GPBP1L1: variants seen among roughly 807,000 people sequenced by gnomAD.
GPBP1L1 encodes GC-rich promoter binding protein 1 like 1, also known as vasculin-like protein 1.
A neutral mutation model predicts 52.5 loss-of-function variants in GPBP1L1; 23 were observed. The ratio of observed to expected loss-of-function variants is 0.44; its 90% CI spans 0.32 to 0.62. The LOEUF (loss-of-function observed/expected upper bound fraction) is 0.62, where lower values mean the gene tolerates loss of function less well. Ranked by LOEUF, GPBP1L1 falls within the 20% of genes least tolerant of loss-of-function variation. GPBP1L1 has a pLI of 0.06. For missense variants in GPBP1L1, 596 were observed against 579.3 expected, an observed-to-expected ratio of 1.03 and a Z score of -0.30; for synonymous variants, 243 against 203.1, an observed-to-expected ratio of 1.20 and a Z score of -1.67.
At chr1:45,676,367 A>G (rs938419242) in intron 2 of GPBP1L1, among the ~76,000 whole-genome samples, 1 of 151,950 alleles carries the variant, frequency 6.6e-6, no homozygotes, top group East Asian at 1.9e-4. Context: ...TTTGGAGGCC[A>G]GGGTGAGCAG....
At chr1:45,654,217 CAT>C (rs1000516917) in intron 6 of GPBP1L1, 4 of 189,576 alleles carry the variant, frequency 2.1e-5, no homozygotes, top group African/African-American at 9.5e-5. Context: ...AATGTTTTAT[CAT>C]AGTTGGAAAA....
chr1:45,643,253 A>G (rs908249409), intron 6 of GPBP1L1, among the ~76,000 whole-genome samples: 6 of 152,192 alleles, frequency 3.9e-5, no homozygotes, highest in Non-Finnish European at 7.4e-5. Context: ...ATAGTTCAGC[A>G]TGAGTAGTGC....
At position 45,655,777 on chromosome 1, in the gene GPBP1L1, T is replaced by A. The variant is rs201462439; in HGVS notation, c.61-458A>T. On this transcript the variant is annotated intron_variant, in intron 4 of 12. Coordinates refer to ENST00000355105, the MANE Select transcript of GPBP1L1 (RefSeq NM_021639.5). The stretch of plus-strand genomic sequence containing the variant: ...AGGTCAGTAGTAATTACAGAACTTT[T>A]AAAAAAAAAAAAGAGATGAAGTCTC... 956 of 146,372 alleles carry A rather than the reference T, an allele frequency of 6.5e-3. 9 individuals are homozygous for A. Among genetic ancestry groups the A allele is most frequent in the East Asian group, 0.034 (171 of 5,066 alleles). 9.1% of individuals were successfully genotyped at this position (146,372 alleles called of 1,614,324 possible).
At chr1:45,657,258 G>A (rs573702938) in intron 4 of GPBP1L1, among the ~76,000 whole-genome samples, 1 of 152,160 alleles carries the variant, frequency 6.6e-6, no homozygotes, top group South Asian at 2.1e-4. Context: ...TTAGAGCCGG[G>A]TGTGGTGGTT....
In GPBP1L1 at chr1:45,660,553, A is replaced by G. The variant is rs1361635217; in HGVS notation, c.-425T>C. On this transcript the variant is annotated 5_prime_UTR_variant, in exon 3 of 13. Transcript: ENST00000355105. ...TTGCTTAATTAGGTAAGACATGGATATTTGCACCGAGTGCAAATACTGTTC... is the reference window on the plus strand; with the variant it reads ...TTGCTTAATTAGGTAAGACATGGATGTTTGCACCGAGTGCAAATACTGTTC... The G allele has an allele frequency of 1.0e-6, 1 of 985,176 alleles. No individual in the cohort carries two copies. Among genetic ancestry groups the G allele is most frequent in the African/African-American group, 1.7e-5 (1 of 57,228 alleles). The allele number at this position is 985,176 out of a possible 1,614,324, so 61.0% of individuals were successfully genotyped here.
At chr1:45,654,941 A>T in intron 5 of GPBP1L1, 112 bp from the exon 6 acceptor site, 1 of 1,145,004 alleles carries the variant, frequency 8.7e-7, no homozygotes, top group Non-Finnish European at 1.2e-6. Flanking sequence ...CACAAAAAAA[A>T]TAAAAAAATG....
intron 2 of GPBP1L1, among the ~76,000 whole-genome samples, chr1:45,673,187 G>A (rs1645095255): frequency 2.0e-5 from 3 of 152,160 alleles, no homozygotes; most frequent in South Asian, 2.1e-4. Context: ...GAATACATAG[G>A]TGGGAAAGCA....
In GPBP1L1 at chr1:45,629,786, A is replaced by T. The variant is rs1338575931; in HGVS notation, c.1170-108T>A. The T allele has an allele frequency of 1.2e-5, 9 of 724,740 alleles. No homozygotes were observed. The African/African-American group carries it at 1.4e-4, about 11-fold the overall frequency. 44.9% of individuals were successfully genotyped at this position (724,740 alleles called of 1,614,324 possible). On this transcript the variant is annotated intron_variant, in intron 11 of 12. Coordinates refer to ENST00000355105, the MANE Select transcript of GPBP1L1 (RefSeq NM_021639.5). ...TTTCTGCCCAGGGGCAATGGATGTT[A>T]AAGAAGGAATTTTGTTTTCCTCCCT...
chr1:45,686,124 G>A (rs1029182132), intron 1 of GPBP1L1, among the ~76,000 whole-genome samples: 2 of 152,252 alleles, frequency 1.3e-5, no homozygotes, highest in African/African-American at 4.8e-5. Flanking sequence ...AAGAGCCGCA[G>A]GTGAGCGTTC....
At chr1:45,675,770 G>A (rs1279528180) in intron 2 of GPBP1L1, among the ~76,000 whole-genome samples, 2 of 152,174 alleles carry the variant, frequency 1.3e-5, no homozygotes, top group East Asian at 1.9e-4. Flanking sequence ...CAAACTCCTG[G>A]AGTCAAGCAA....
chr1:45,633,460 C>G, intron 10 of GPBP1L1, 29 bp downstream of exon 10: 1 of 1,608,650 alleles, frequency 6.2e-7, no homozygotes, highest in South Asian at 1.1e-5. Context: ...AATTCCTAGG[C>G]TACCCCCAGA....
In GPBP1L1 at chr1:45,634,114, A is replaced by T; in HGVS notation, c.867T>A (p.Ala289=). The T allele has an allele frequency of 6.2e-7, 1 of 1,612,860 alleles. No individual in the cohort carries two copies. The change falls in exon 9 of 13, where the codon GCT becomes GCA. Residue 289 remains alanine (A), a synonymous_variant. Transcript: ENST00000355105. ...TKPVVLASGA[A]LSSPKESPSS... ...CACTCACCTCTTTGGGAGAACTCAG[A>T]GCTGCACCACTAGCCAGTACCACTG...
intron 10 of GPBP1L1, among the ~76,000 whole-genome samples, chr1:45,632,572 T>C (rs1047711418): frequency 2.0e-5 from 3 of 151,238 alleles, no homozygotes; most frequent in Non-Finnish European, 4.4e-5. Flanking sequence ...AAAAATTAGC[T>C]GGGCGTGGTG....
At chr1:45,635,172 G>A (rs1256975062) in intron 8 of GPBP1L1, 3 of 152,148 alleles carry the variant, frequency 2.0e-5, no homozygotes, top group Non-Finnish European at 2.9e-5. Flanking sequence ...TAATTGTTAC[G>A]CTGACTTTTA....
chr1:45,673,815 C>A (rs971031777), intron 2 of GPBP1L1, among the ~76,000 whole-genome samples: 1 of 152,262 alleles, frequency 6.6e-6, no homozygotes, highest in Middle Eastern at 3.4e-3. Flanking sequence ...GCCAAGATCA[C>A]GCCACTGCAC....
chr1:45,674,280 G>A (rs1645111211), intron 2 of GPBP1L1, among the ~76,000 whole-genome samples: 1 of 152,092 alleles, frequency 6.6e-6, no homozygotes, highest in African/African-American at 2.4e-5. Flanking sequence ...ATTTTATTTG[G>A]ATAAGTAGAA....
At chr1:45,632,680 C>T (rs1035954787) in intron 10 of GPBP1L1, among the ~76,000 whole-genome samples, 9 of 152,198 alleles carry the variant, frequency 5.9e-5, no homozygotes, top group African/African-American at 2.2e-4. Flanking sequence ...CGTGCCACTG[C>T]ACTCCAGTCT....
intron 6 of GPBP1L1, among the ~76,000 whole-genome samples, chr1:45,653,300 G>C (rs181142203): frequency 6.6e-6 from 1 of 152,210 alleles, no homozygotes; most frequent in East Asian, 1.9e-4. Flanking sequence ...TTGGGAGGCC[G>C]AGGTGGGAAG....
intron 2 of GPBP1L1, among the ~76,000 whole-genome samples, chr1:45,672,248 A>G (rs1294555124): frequency 6.6e-6 from 1 of 151,732 alleles, no homozygotes; most frequent in Non-Finnish European, 1.5e-5. Flanking sequence ...TGTAGTCCCA[A>G]CTACTCGGGA....
Sources: gnomAD v4.1 joint callset for allele counts (sites outside exome capture counted in the v4.1 genomes callset) on GRCh38, gnomAD v4.1.1 for gene constraint, MANE v1.5 for transcripts, NCBI Gene and HGNC (gene_info 2026-07-23, HGNC 2026-07-21) for gene names.